The following NBEAL1 variants were observed in gnomAD, a reference collection of about 807,000 sequenced individuals.
The protein encoded by NBEAL1 is neurobeachin-like protein 1.
A neutral mutation model predicts 351.3 loss-of-function variants in NBEAL1; 273 were observed. That is an observed-to-expected ratio of 0.78 (90% CI 0.70 to 0.86). The LOEUF is 0.86. NBEAL1 is among the 40% of genes least tolerant of loss of function. The pLI, the probability that NBEAL1 is intolerant of heterozygous loss-of-function variation, is 0.00. For missense variants in NBEAL1, 2,961 were observed against 3,201.3 expected, an observed-to-expected ratio of 0.92 and a Z score of 1.81; for synonymous variants, 1,050 against 1,086.4, an observed-to-expected ratio of 0.97 and a Z score of 0.66.
chr2:203,168,180 T>G (rs1210819231), intron 38 of NBEAL1, among the ~76,000 whole-genome samples: 2 of 152,260 alleles, frequency 1.3e-5, no homozygotes, highest in South Asian at 2.1e-4. Flanking sequence ...AGCTGTGTCA[T>G]GTAATTAAAC....
intron 27 of NBEAL1, among the ~76,000 whole-genome samples, chr2:203,133,759 T>G (rs1559391237): frequency 6.6e-6 from 1 of 150,650 alleles, no homozygotes; most frequent in East Asian, 1.9e-4. Context: ...TATATAGAGT[T>G]TATATATATA....
At chr2:203,190,152 A>T in intron 45 of NBEAL1, 140 bp from the exon 46 acceptor site, 1 of 503,800 alleles carries the variant, frequency 2.0e-6, no homozygotes, top group Non-Finnish European at 3.4e-6. Flanking sequence ...AAAAAAAAAG[A>T]TGTGTGTACA....
At chr2:203,174,461 A>G (rs1370385515) in intron 41 of NBEAL1, among the ~76,000 whole-genome samples, 4 of 152,130 alleles carry the variant, frequency 2.6e-5, no homozygotes, top group Non-Finnish European at 5.9e-5. Flanking sequence ...TAATTCATAC[A>G]TTAGGATAGA....
chr2:203,019,586 G>C (rs1216904011), intron 2 of NBEAL1, among the ~76,000 whole-genome samples: 1 of 152,196 alleles, frequency 6.6e-6, no homozygotes, highest in Non-Finnish European at 1.5e-5. Context: ...CTTCCGGGCA[G>C]TAAGGTTAAG....
chr2:203,180,333 G>T (rs947897925), intron 42 of NBEAL1, 49 bp from the exon 43 acceptor site: 3 of 1,561,962 alleles, frequency 1.9e-6, no homozygotes, highest in Non-Finnish European at 2.6e-6. Flanking sequence ...TTCATGTCTT[G>T]TTGTTGATTT....
rs914833027 is a variant in NBEAL1, at chr2:203,221,365, T to C, written c.*4011T>C. ...GCAAGTCCTAGGACTATATTAAATA[T>C]AAATATTATATTATTAAATAATATA... On this transcript the variant is annotated 3_prime_UTR_variant, in exon 56 of 56. Transcript: ENST00000683969. 2.8e-4 allele frequency among the ~76,000 whole-genome samples: 42 copies of C among 151,046 alleles called. No individual in the cohort carries two copies. The highest frequency in any genetic ancestry group is 1.5e-4 in the Non-Finnish European group (10 of 67,748).
intron 2 of NBEAL1, among the ~76,000 whole-genome samples, chr2:203,034,877 G>A (rs2061017000): frequency 6.7e-6 from 1 of 148,968 alleles, no homozygotes; most frequent in South Asian, 2.1e-4. Context: ...CTTTTGGTAG[G>A]ATATTAGAAA....
intron 38 of NBEAL1, among the ~76,000 whole-genome samples, chr2:203,169,388 T>TG (rs1351517980): frequency 1.1e-5 from 1 of 89,662 alleles, no homozygotes; most frequent in African/African-American, 4.4e-5. Flanking sequence ...TTGAATATAG[T>TG]AAAAAAAAAA....
chr2:203,088,731 A>G (rs16839521), intron 10 of NBEAL1, among the ~76,000 whole-genome samples: 4,573 of 152,230 alleles, frequency 0.03, 417 homozygotes, highest in East Asian at 0.28. Context: ...ATTTGTTTCT[A>G]TCTGCTTAAG....
chr2:203,070,359 CTT>C (rs34588218), intron 7 of NBEAL1, among the ~76,000 whole-genome samples: 124 of 92,332 alleles, frequency 1.3e-3, no homozygotes, highest in Non-Finnish European at 1.9e-3. Context: ...CTCTCTCTCT[CTT>C]TTTTTTTTTT....
intron 7 of NBEAL1, chr2:203,074,773 G>T: frequency 5.6e-6 from 1 of 177,966 alleles, no homozygotes; most frequent in East Asian, 1.3e-4. Flanking sequence ...AGGCCTGATT[G>T]GGGTGTAGAC....
intron 24 of NBEAL1, 139 bp downstream of exon 24, chr2:203,128,076 G>A: frequency 3.4e-6 from 2 of 594,494 alleles, no homozygotes; most frequent in Middle Eastern, 4.0e-4. Flanking sequence ...ATGCACTTAA[G>A]AAGTAAATTT....
At chr2:203,122,580 C>T (rs958790595) in intron 19 of NBEAL1, among the ~76,000 whole-genome samples, 1 of 152,130 alleles carries the variant, frequency 6.6e-6, no homozygotes, top group Admixed American at 6.5e-5. Context: ...TGGATAATGT[C>T]GTTCATTATA....
chr2:203,127,015 C>A, intron 23 of NBEAL1, 89 bp downstream of exon 23: 1 of 890,884 alleles, frequency 1.1e-6, no homozygotes, highest in Non-Finnish European at 1.7e-6. Flanking sequence ...TTTCTCTTTA[C>A]CAGCGATTCT....
intron 31 of NBEAL1, 113 bp from the exon 32 acceptor site, chr2:203,144,487 C>T: frequency 1.0e-6 from 1 of 974,728 alleles, no homozygotes; most frequent in Non-Finnish European, 1.5e-6. Flanking sequence ...AGACCTTTCA[C>T]AGTTCTTGAC....
intron 47 of NBEAL1, 92 bp downstream of exon 47, chr2:203,194,003 T>C: frequency 1.5e-6 from 1 of 646,700 alleles, no homozygotes; most frequent in Non-Finnish European, 2.6e-6. Context: ...GTAAGGATTA[T>C]AATATTTAAT....
rs570698686 is a variant in NBEAL1 at position 203,133,421 on chromosome 2, C to A, written c.3813+275C>A. On this transcript the variant is annotated intron_variant, in intron 27 of 55. Transcript: ENST00000683969. ...AGAGAATAATTTTCTTATTAAGAAC[C>A]TTCAATGATTGTGACCATTTCTAAT... Among the ~76,000 whole-genome samples the A allele has an allele frequency of 2.6e-5, 4 of 152,006 alleles. No homozygotes were observed. The East Asian group carries it at 7.7e-4, about 29-fold the overall frequency.
intron 12 of NBEAL1, among the ~76,000 whole-genome samples, chr2:203,106,598 GT>G (rs572360411): frequency 1.3e-5 from 2 of 150,474 alleles, no homozygotes; most frequent in African/African-American, 2.4e-5. Context: ...CTTGAAAGTT[GT>G]TTTTTTTTGT....
rs1160885300 is a variant in NBEAL1 at position 203,036,336 on chromosome 2, C to T, written c.52-5429C>T. ...TTTTGTGTGTTAAATACTTTATGAC[C>T]TTGAGTTTACTGATCCTGACGAAGC... On this transcript the variant is annotated intron_variant, in intron 2 of 55. Transcript: ENST00000683969. 2.7e-5 allele frequency among the ~76,000 whole-genome samples: 4 copies of T among 148,632 alleles called. 1 individual carries two copies. Among genetic ancestry groups the T allele is most frequent in the Non-Finnish European group, 6.0e-5 (4 of 66,392 alleles).
Sources: gnomAD v4.1 joint callset for allele counts (sites outside exome capture counted in the v4.1 genomes callset) on GRCh38, gnomAD v4.1.1 for gene constraint, MANE v1.5 for transcripts, NCBI Gene and HGNC (gene_info 2026-07-23, HGNC 2026-07-21) for gene names.